The following CHL1 variants were observed in gnomAD, a reference collection of about 807,000 sequenced individuals.
CHL1 encodes neural cell adhesion molecule L1-like protein.
A neutral mutation model predicts 141.9 loss-of-function variants in CHL1; 96 were observed. The ratio of observed to expected loss-of-function variants is 0.68; its 90% CI spans 0.57 to 0.80. The LOEUF (loss-of-function observed/expected upper bound fraction) is 0.80. CHL1 is among the 30% of genes least tolerant of loss of function. The pLI is 0.00. For missense variants in CHL1, 1,820 were observed against 1,457.2 expected, an observed-to-expected ratio of 1.25 and a Z score of -4.05; for synonymous variants, 613 against 502.2, an observed-to-expected ratio of 1.22 and a Z score of -2.95.
intron 2 of CHL1, among the ~76,000 whole-genome samples, chr3:258,934 CTTTTTTT>C (rs538887029): frequency 7.7e-6 from 1 of 130,556 alleles, no homozygotes; most frequent in African/African-American, 2.9e-5. Context: ...ATGGCAACAT[CTTTTTTT>C]TTTTTTTTTT....
intron 1 of CHL1, among the ~76,000 whole-genome samples, chr3:210,029 T>C (rs897218310): frequency 6.6e-6 from 1 of 152,248 alleles, no homozygotes; most frequent in Non-Finnish European, 1.5e-5. Context: ...ATTCACCATA[T>C]GGCTTAAAAC....
intron 15 of CHL1, among the ~76,000 whole-genome samples, chr3:370,647 G>C (rs2125322643): frequency 6.6e-6 from 1 of 151,764 alleles, no homozygotes; most frequent in South Asian, 2.1e-4. Flanking sequence ...TCTTCTGCTA[G>C]CTCTTGGATT....
chr3:361,942 T>C, intron 13 of CHL1, 132 bp downstream of exon 13: 1 of 616,410 alleles, frequency 1.6e-6, no homozygotes. Flanking sequence ...AGACATAAGG[T>C]AACAAACTTA....
At chr3:235,759 T>C (rs1182910059) in intron 1 of CHL1, among the ~76,000 whole-genome samples, 1 of 152,212 alleles carries the variant, frequency 6.6e-6, no homozygotes, top group South Asian at 2.1e-4. Flanking sequence ...GATTATCTAT[T>C]TGACTTATTC....
chr3:202,967 C>T (rs1180094668), intron 1 of CHL1, among the ~76,000 whole-genome samples: 1 of 152,032 alleles, frequency 6.6e-6, no homozygotes, highest in Non-Finnish European at 1.5e-5. Flanking sequence ...TAGAACAGGC[C>T]CAGATAACAA....
In CHL1 at chr3:278,348, A is replaced by T. The variant is rs1043061001; in HGVS notation, c.-95+33656A>T. On this transcript the variant is annotated intron_variant, in intron 2 of 27. Coordinates refer to ENST00000256509, the MANE Select transcript of CHL1 (RefSeq NM_006614.4). The stretch of plus-strand genomic sequence containing the variant: ...ACTAGTTGTTCCAGATTTCCCCACA[A>T]TCCCCATTGCGCTAAGTGGCGGCTA... 2.0e-5 allele frequency among the ~76,000 whole-genome samples: 3 copies of T among 152,276 alleles called. No homozygotes were observed. The East Asian group carries it at 5.8e-4, about 29-fold the overall frequency.
At chr3:276,695 C>T (rs2125272256) in intron 2 of CHL1, among the ~76,000 whole-genome samples, 1 of 151,964 alleles carries the variant, frequency 6.6e-6, no homozygotes, top group Non-Finnish European at 1.5e-5. Flanking sequence ...TGAGACCGTC[C>T]TGGCTAACAG....
rs1353269311 is a variant in CHL1 at position 309,487 on chromosome 3, T to C, written c.-94-10196T>C. 9.3e-5 allele frequency among the ~76,000 whole-genome samples: 14 copies of C among 151,196 alleles called. No individual in the cohort carries two copies. The South Asian group carries it at 1.7e-3, about 18-fold the overall frequency. ...TCTTATTCCTTCTCTCTCTCTCTCT[T>C]TCTTTCTTTTTCTCCTTCCTCTTCC... On this transcript the variant is annotated intron_variant, in intron 2 of 27. Transcript: ENST00000256509.
intron 9 of CHL1, among the ~76,000 whole-genome samples, chr3:348,575 C>T (rs571322486): frequency 6.6e-6 from 1 of 152,252 alleles, no homozygotes; most frequent in Admixed American, 6.5e-5. Flanking sequence ...CCTTGACTCC[C>T]CAGTCCTTTT....
rs1709464300 is a variant in CHL1, at chr3:405,433, T to C, written c.3459-62T>C. Reference sequence around the variant, plus strand: ...AAATCTTTTATCACTTATGACTGTGTTGCTTTACATGAATATTAATATTAG... The same window carrying C: ...AAATCTTTTATCACTTATGACTGTGCTGCTTTACATGAATATTAATATTAG... On this transcript the variant is annotated intron_variant, in intron 27 of 27. Coordinates refer to ENST00000256509, the MANE Select transcript of CHL1 (RefSeq NM_006614.4). 9.0e-6 allele frequency: 10 copies of C among 1,105,008 alleles called. No homozygotes were observed. The South Asian group carries it at 1.3e-4, about 14-fold the overall frequency. The allele number at this position is 1,105,008 out of a possible 1,614,324, so 68.5% of individuals were successfully genotyped here.
intron 2 of CHL1, among the ~76,000 whole-genome samples, chr3:313,126 T>C (rs970577885): frequency 6.6e-6 from 1 of 152,164 alleles, no homozygotes; most frequent in African/African-American, 2.4e-5. Flanking sequence ...AAATGGCAGA[T>C]GGACTGTCAC....
chr3:339,345 A>C (rs1002203219), intron 5 of CHL1, among the ~76,000 whole-genome samples: 4 of 152,234 alleles, frequency 2.6e-5, no homozygotes, highest in Non-Finnish European at 4.4e-5. Context: ...TTTTATCTAC[A>C]AGCTCTTAAT....
intron 2 of CHL1, among the ~76,000 whole-genome samples, chr3:265,474 C>T (rs1428526011): frequency 6.6e-6 from 1 of 152,154 alleles, no homozygotes. Flanking sequence ...TCTTAGTTTG[C>T]AAGTGAAAAA....
chr3:391,251 A>C, intron 22 of CHL1, 92 bp downstream of exon 22: 77 of 1,013,790 alleles, frequency 7.6e-5, no homozygotes, highest in Non-Finnish European at 1.1e-4. Flanking sequence ...ACAGTGGCTC[A>C]TGCCTGTAAA....
rs1196620562 is a variant in CHL1 at position 409,291 on chromosome 3, A to T, written c.*3580A>T. On this transcript the variant is annotated 3_prime_UTR_variant, in exon 28 of 28. Coordinates refer to ENST00000256509, the MANE Select transcript of CHL1 (RefSeq NM_006614.4). ...GGATTAATATTCATAGTAGAACTTT[A>T]TAAAACGTGTTTGTATTGTAGGTGG... is the stretch of plus-strand genomic sequence containing the variant. The T allele has an allele frequency of 6.6e-6, 1 of 152,136 alleles. No homozygotes were observed. The highest frequency in any genetic ancestry group is 1.5e-5 in the Non-Finnish European group (1 of 68,006). The allele number at this position is 152,136 out of a possible 1,614,324, so 9.4% of individuals were successfully genotyped here.
intron 5 of CHL1, among the ~76,000 whole-genome samples, chr3:338,474 A>G (rs919932848): frequency 9.2e-5 from 14 of 152,162 alleles, no homozygotes; most frequent in African/African-American, 3.4e-4. Context: ...GGTAGACTTC[A>G]TGTTAGCTGC....
intron 15 of CHL1, among the ~76,000 whole-genome samples, chr3:371,978 G>A (rs143955259): frequency 6.6e-4 from 100 of 152,250 alleles, no homozygotes; most frequent in Middle Eastern, 3.4e-3. Flanking sequence ...GAGGTCCACC[G>A]TTAGTCTGAT....
chr3:211,747 T>C lies in CHL1; in HGVS notation c.-175+14684T>C, dbSNP rs1391038577. On this transcript the variant is annotated intron_variant, in intron 1 of 27. Coordinates refer to ENST00000256509, the MANE Select transcript of CHL1 (RefSeq NM_006614.4). ...AAACACTTCAACAGGCAAAATGCGA[T>C]ATACACAACCCCAAAATGCTGTGCT... 2.6e-5 allele frequency among the ~76,000 whole-genome samples: 4 copies of C among 152,224 alleles called. No homozygotes were observed. The South Asian group carries it at 8.3e-4, about 32-fold the overall frequency.
At chr3:296,275 G>A (rs893244458) in intron 2 of CHL1, among the ~76,000 whole-genome samples, 2 of 151,866 alleles carry the variant, frequency 1.3e-5, no homozygotes, top group South Asian at 2.1e-4. Flanking sequence ...ATCGTTCATC[G>A]AAATTAAGAC....
Sources: gnomAD v4.1 joint callset for allele counts (sites outside exome capture counted in the v4.1 genomes callset) on GRCh38, gnomAD v4.1.1 for gene constraint, MANE v1.5 for transcripts, NCBI Gene and HGNC (gene_info 2026-07-23, HGNC 2026-07-21) for gene names.